The following AKAP12 variants were observed in gnomAD, a reference collection of about 807,000 sequenced individuals.
AKAP12 encodes the protein A-kinase anchoring protein 12, also known as A-kinase anchor protein 12.
A neutral mutation model predicts 79.9 loss-of-function variants in AKAP12; 32 were observed. That is an observed-to-expected ratio of 0.40 (90% CI 0.30 to 0.54). The LOEUF is 0.54. Ranked by LOEUF, AKAP12 falls within the 20% of genes least tolerant of loss-of-function variation. The pLI is 0.48. For synonymous variants in AKAP12, 808 were observed against 857.0 expected, an observed-to-expected ratio of 0.94 and a Z score of 1.00; for missense variants, 2,074 against 2,177.0, an observed-to-expected ratio of 0.95 and a Z score of 0.94.
At chr6:151,301,101 G>A (rs1776855376) in intron 2 of AKAP12, among the ~76,000 whole-genome samples, 1 of 152,124 alleles carries the variant, frequency 6.6e-6, no homozygotes, top group Admixed American at 6.6e-5. Flanking sequence ...CCTGAAATGG[G>A]TGGTCCTCGA....
chr6:151,287,517 T>C (rs1211946626), intron 2 of AKAP12, among the ~76,000 whole-genome samples: 4 of 152,188 alleles, frequency 2.6e-5, no homozygotes, highest in African/African-American at 4.8e-5. Context: ...CACCTCGGCC[T>C]TGGAAAGTGC....
At position 151,349,711 on chromosome 6, in the gene AKAP12, G is replaced by A. The variant is rs755922155; in HGVS notation, c.1320G>A (p.Gly440=). 1 of 1,614,132 alleles carries A rather than the reference G, an allele frequency of 6.2e-7. No homozygotes were observed. Among genetic ancestry groups the A allele is most frequent in the South Asian group, 1.1e-5 (1 of 91,078 alleles). The stretch of plus-strand genomic sequence containing the variant: ...AAACGGAGGTGGAAGAAACAGCAGG[G>A]TCTGTGCCAGCTGAAGAATTGGTTG... The part of the protein sequence containing the change: ...EQKTEVEETA[G]SVPAEELVEM... The change falls in exon 4 of 5, where the codon GGG becomes GGA. Residue 440 remains glycine (G), a synonymous_variant. Transcript: ENST00000402676.
chr6:151,325,936 G>A lies in AKAP12; in HGVS notation c.319+20033G>A, dbSNP rs750792683. The A allele has an allele frequency of 1.4e-5, 22 of 1,613,836 alleles. No individual in the cohort carries two copies. The Admixed American group carries it at 3.3e-4, about 24-fold the overall frequency. On this transcript the variant is annotated intron_variant, in intron 3 of 4. Transcript: ENST00000402676. The stretch of plus-strand genomic sequence containing the variant: ...GTCCTCCCTGGACGGCAGGCACGGG[G>A]CACGAAAAGGGGCTTTCTTCCGTTG...
intron 2 of AKAP12, among the ~76,000 whole-genome samples, chr6:151,249,506 C>T (rs1014569171): frequency 1.3e-5 from 2 of 152,148 alleles, no homozygotes; most frequent in African/African-American, 4.8e-5. Context: ...TTACTAGCTT[C>T]TGTACTCCAG....
chr6:151,313,728 C>T (rs979841760), intron 3 of AKAP12, among the ~76,000 whole-genome samples: 3 of 152,164 alleles, frequency 2.0e-5, no homozygotes, highest in African/African-American at 7.2e-5. Context: ...TTCTCCCCTT[C>T]GTAAATCAAC....
intron 2 of AKAP12, among the ~76,000 whole-genome samples, chr6:151,287,980 C>T (rs960478454): frequency 3.6e-4 from 54 of 151,644 alleles, no homozygotes; most frequent in Admixed American, 3.4e-3. Flanking sequence ...AACCAAACAC[C>T]ACATGTTCTC....
Position 151,240,511 on chromosome 6 carries a change from CT to C in AKAP12, c.-50del. 1 of 1,378,448 alleles carries C rather than the reference CT, an allele frequency of 7.3e-7. No individual in the cohort carries two copies. The highest frequency in any genetic ancestry group is 9.3e-7 in the Non-Finnish European group (1 of 1,073,416). 85.4% of individuals were successfully genotyped at this position (1,378,448 alleles called of 1,614,324 possible). A position where few individuals can be genotyped will look rare whatever the true frequency, so the allele number is the denominator to read the frequency against. Reference sequence around the variant, plus strand: ...TTGGCTCTTGCCCCTGTCCCTGCGGCTTGGGGAAGGCGTAACCCGGCGGCTA... The same window carrying C: ...TTGGCTCTTGCCCCTGTCCCTGCGGCTGGGGAAGGCGTAACCCGGCGGCTA... On this transcript the variant is annotated 5_prime_UTR_variant, in exon 2 of 5. Transcript: ENST00000402676.
intron 2 of AKAP12, among the ~76,000 whole-genome samples, chr6:151,298,621 C>A (rs1364997589): frequency 6.6e-6 from 1 of 151,834 alleles, no homozygotes; most frequent in Non-Finnish European, 1.5e-5. Context: ...TGGTGAAACC[C>A]CGTCTCTACT....
chr6:151,273,208 A>G (rs966505635), intron 2 of AKAP12, among the ~76,000 whole-genome samples: 4 of 152,202 alleles, frequency 2.6e-5, no homozygotes, highest in African/African-American at 9.6e-5. Context: ...CGCCCCGCCC[A>G]GGCTGGACAT....
At chr6:151,348,681 C>CTCCT in intron 3 of AKAP12, 30 bp from the exon 4 acceptor site, 2 of 218,348 alleles carry the variant, frequency 9.2e-6, no homozygotes, top group Admixed American at 6.1e-5. Flanking sequence ...TTTCTCTTCT[C>CTCCT]CCCACCCCCC....
At chr6:151,262,643 G>T (rs1797460941) in intron 2 of AKAP12, among the ~76,000 whole-genome samples, 2 of 152,020 alleles carry the variant, frequency 1.3e-5, no homozygotes, top group Admixed American at 6.6e-5. Context: ...TTCATTTGTT[G>T]GCATTTTCAT....
At position 151,240,692 on chromosome 6, in the gene AKAP12, C is replaced by A; in HGVS notation, c.130C>A (p.Pro44Thr). 1 of 1,281,554 alleles carries A rather than the reference C, an allele frequency of 7.8e-7. No homozygotes were observed. The highest frequency in any genetic ancestry group is 9.8e-7 in the Non-Finnish European group (1 of 1,016,516). The allele number at this position is 1,281,554 out of a possible 1,614,324, so 79.4% of individuals were successfully genotyped here. ...AEAAPDTTADPAIAASDPATK... is the reference protein window; with the variant it reads ...AEAAPDTTADTAIAASDPATK... ...GGCGGCGCCAGACACCACCGCGGACCCCGCCATCGCTGCCTCGGACCCCGC... is the reference window on the plus strand; with the variant it reads ...GGCGGCGCCAGACACCACCGCGGACACCGCCATCGCTGCCTCGGACCCCGC... Residue 44 changes from proline to threonine, a missense_variant, in exon 2 of 5, where the codon CCC becomes ACC. By Grantham distance (38) the Pro-to-Thr change is conservative. This residue lies in a region of AKAP12 where 1,428 missense variants were observed against 1,451.0 expected (regional missense o/e 0.98). Coordinates refer to ENST00000402676, the MANE Select transcript of AKAP12 (RefSeq NM_005100.4).
intron 3 of AKAP12, among the ~76,000 whole-genome samples, chr6:151,328,065 C>T (rs917567246): frequency 1.6e-4 from 25 of 152,274 alleles, no homozygotes; most frequent in Non-Finnish European, 2.8e-4. Context: ...CGGTGGCTCA[C>T]GCCTGTAATC....
chr6:151,259,439 T>C (rs1383939730), intron 2 of AKAP12, among the ~76,000 whole-genome samples: 1 of 149,694 alleles, frequency 6.7e-6, no homozygotes, highest in African/African-American at 2.5e-5. Flanking sequence ...TGTGTGTATA[T>C]ATGTGTATAT....
intron 2 of AKAP12, among the ~76,000 whole-genome samples, chr6:151,256,717 T>A (rs1349817888): frequency 1.3e-5 from 2 of 151,962 alleles, no homozygotes; most frequent in Non-Finnish European, 2.9e-5. Flanking sequence ...TGACGCGATC[T>A]CGGCTCACTG....
chr6:151,349,528 G>T lies in AKAP12; in HGVS notation c.1137G>T (p.Leu379=). The change falls in exon 4 of 5, where the codon CTG becomes CTT. Residue 379 remains leucine, a synonymous_variant. Transcript: ENST00000402676. The stretch of plus-strand genomic sequence containing the variant: ...CAGCTGAATATGAGAAAGTTGAGCT[G>T]CCCTCAGAGGAGCAAGTCAGTGGCT... ...RLSAEYEKVE[L]PSEEQVSGSQ... is the part of the protein sequence containing the mutation. 3 of 1,611,412 alleles carry T rather than the reference G, an allele frequency of 1.9e-6. No individual in the cohort carries two copies. Among genetic ancestry groups the T allele is most frequent in the Non-Finnish European group, 2.5e-6 (3 of 1,179,246 alleles).
At position 151,349,948 on chromosome 6, in the gene AKAP12, T is replaced by A; in HGVS notation, c.1557T>A (p.Leu519=). 1 of 1,613,984 alleles carries A rather than the reference T, an allele frequency of 6.2e-7. No homozygotes were observed. Residue 519 remains leucine (L), a synonymous_variant, in exon 4 of 5, where the codon CTT becomes CTA. Coordinates refer to ENST00000402676, the MANE Select transcript of AKAP12 (RefSeq NM_005100.4). ...TGCAGGGAAGTCCACTAAAGAAGCT[T>A]TTTACCAGCACTGGCTTAAAAAAGC... ...MKVQGSPLKK[L]FTSTGLKKLS...
At chr6:151,295,606 T>C (rs1776708689) in intron 2 of AKAP12, among the ~76,000 whole-genome samples, 1 of 152,208 alleles carries the variant, frequency 6.6e-6, no homozygotes, top group African/African-American at 2.4e-5. Flanking sequence ...ATATTGGCAT[T>C]CTGGAAATTA....
In AKAP12 at chr6:151,295,700, T is replaced by C. The variant is rs554637492; in HGVS notation, c.163-10047T>C. ...CTGGTCTAACCAAGCCAATCAGGTA[T>C]TGAAAGTGGATAAATGTTGCTGTTG... On this transcript the variant is annotated intron_variant, in intron 2 of 4. Coordinates refer to ENST00000402676, the MANE Select transcript of AKAP12 (RefSeq NM_005100.4). 5.9e-5 allele frequency among the ~76,000 whole-genome samples: 9 copies of C among 152,332 alleles called. No individual in the cohort carries two copies. The South Asian group carries it at 1.2e-3, about 21-fold the overall frequency.
Sources: allele counts gnomAD v4.1 joint callset (sites outside exome capture counted in the v4.1 genomes callset), GRCh38; gene constraint gnomAD v4.1.1; regional missense constraint gnomAD v4.1.1; transcripts MANE v1.5; gene names NCBI Gene and HGNC (gene_info 2026-07-23, HGNC 2026-07-21).